Variants in MYO18B observed in about 807,000 individuals in gnomAD.
MYO18B encodes the protein unconventional myosin-XVIIIb.
In MYO18B, 204 loss-of-function variants were observed where a neutral mutation model predicts 273.0. The ratio of observed to expected loss-of-function variants is 0.75; its 90% CI spans 0.67 to 0.84. The LOEUF is 0.84. MYO18B is among the 40% of genes least tolerant of loss of function. MYO18B has a pLI of 0.00. For missense variants in MYO18B, 3,212 were observed against 3,287.6 expected, an observed-to-expected ratio of 0.98 and a Z score of 0.56; for synonymous variants, 1,330 against 1,305.7, an observed-to-expected ratio of 1.02 and a Z score of -0.40.
At chr22:25,813,883 C>T (rs1031826767) in intron 12 of MYO18B, among the ~76,000 whole-genome samples, 4 of 152,130 alleles carry the variant, frequency 2.6e-5, no homozygotes, top group African/African-American at 9.7e-5. Flanking sequence ...GGCTGCAGAC[C>T]CTGCATCCTC....
At chr22:25,835,483 C>G in intron 17 of MYO18B, 40 bp downstream of exon 17, 1 of 1,610,974 alleles carries the variant, frequency 6.2e-7, no homozygotes, top group Non-Finnish European at 8.5e-7. Context: ...CTGAGTCCAG[C>G]CTGGGTATTA....
intron 40 of MYO18B, among the ~76,000 whole-genome samples, chr22:25,998,688 T>C (rs1933606499): frequency 6.6e-6 from 1 of 152,232 alleles, no homozygotes; most frequent in Admixed American, 6.5e-5. Flanking sequence ...TCTTGCTACC[T>C]AGTAGGACAG....
chr22:25,978,471 G>A (rs1345216588), intron 39 of MYO18B, among the ~76,000 whole-genome samples: 2 of 152,176 alleles, frequency 1.3e-5, no homozygotes, highest in Non-Finnish European at 2.9e-5. Context: ...GAAAGGGCGA[G>A]TTGGGACAGA....
intron 33 of MYO18B, among the ~76,000 whole-genome samples, chr22:25,915,263 G>A (rs2092242741): frequency 6.6e-6 from 1 of 152,170 alleles, no homozygotes; most frequent in South Asian, 2.1e-4. Flanking sequence ...TACTTTCTGA[G>A]AGATGCATCA....
At position 25,769,378 on chromosome 22, in the gene MYO18B, C is replaced by T. The variant is rs934550481; in HGVS notation, c.1462C>T (p.Pro488Ser). The change falls in exon 4 of 44, where the codon CCA becomes TCA. Residue 488 changes from proline (P) to serine (S), a missense_variant. Transcript: ENST00000335473. ...GATACGGAAGGAGAACCAAGACGGG[C>T]CAGCCCCGCAGGAGGAGGGCAAAGG... ...PRIRKENQDG[P>S]APQEEGKGGQ... 2.5e-6 allele frequency: 4 copies of T among 1,572,770 alleles called. No individual in the cohort carries two copies. Among genetic ancestry groups the T allele is most frequent in the Non-Finnish European group, 3.4e-6 (4 of 1,159,754 alleles).
chr22:26,058,917 G>A, the MYO18B span, among the ~76,000 whole-genome samples: 1 of 152,168 alleles, frequency 6.6e-6, no homozygotes, highest in African/African-American at 2.4e-5. Context: ...ACTAAGACAT[G>A]GACAAAGCTG....
intron 27 of MYO18B, among the ~76,000 whole-genome samples, chr22:25,893,314 T>C (rs55647020): frequency 0.019 from 2,919 of 152,252 alleles, 108 homozygotes; most frequent in African/African-American, 0.067. Flanking sequence ...TACAGAGGGA[T>C]TTTAATTGGG....
intron 1 of MYO18B, among the ~76,000 whole-genome samples, chr22:25,751,455 C>A (rs2146539016): frequency 6.6e-6 from 1 of 152,348 alleles, no homozygotes; most frequent in African/African-American, 2.4e-5. Flanking sequence ...CACAGCTTGC[C>A]ACCACGACAT....
At chr22:25,829,576 A>C (rs1357352566) in intron 15 of MYO18B, among the ~76,000 whole-genome samples, 3 of 151,478 alleles carry the variant, frequency 2.0e-5, no homozygotes, top group Admixed American at 2.0e-4. Context: ...ACGGTGGCTC[A>C]TGCCTTAATC....
In MYO18B at chr22:25,787,496, C is replaced by G. The variant is rs183096749; in HGVS notation, c.2376+2005C>G. On this transcript the variant is annotated intron_variant, in intron 11 of 43. Transcript: ENST00000335473. The stretch of plus-strand genomic sequence containing the variant: ...ACTGGGTGAGGTGATGTGTCTGCCC[C>G]GTCTTTGAACTCTGGGGGCTAATCT... 1.9e-3 allele frequency among the ~76,000 whole-genome samples: 295 copies of G among 152,192 alleles called. 1 individual carries two copies. Among genetic ancestry groups the G allele is most frequent in the African/African-American group, 6.2e-3 (256 of 41,526 alleles).
chr22:26,010,057 G>A (rs1395170514), intron 42 of MYO18B, among the ~76,000 whole-genome samples: 1 of 152,102 alleles, frequency 6.6e-6, no homozygotes. Flanking sequence ...TATTCATAAA[G>A]CACCACGTTG....
intron 25 of MYO18B, among the ~76,000 whole-genome samples, chr22:25,879,047 C>T (rs1158341): frequency 0.77 from 117,156 of 152,218 alleles, 45,347 homozygotes; most frequent in East Asian, 0.94. Flanking sequence ...AACGAGCTCC[C>T]AAGAGTGAAA....
Position 25,797,983 on chromosome 22 carries a change from T to C in MYO18B, c.2407T>C (p.Phe803Leu). The C allele has an allele frequency of 6.2e-7, 1 of 1,613,972 alleles. No individual in the cohort carries two copies. Among genetic ancestry groups the C allele is most frequent in the South Asian group, 1.1e-5 (1 of 91,080 alleles). The change falls in exon 12 of 44, where the codon TTT becomes CTT. Residue 803 changes from phenylalanine to leucine, a missense_variant. Coordinates refer to ENST00000335473, the MANE Select transcript of MYO18B (RefSeq NM_032608.7). Reference sequence around the variant, plus strand: ...AGATAAACAGAAGGCGGCAGCTGCCTTTGCCCAGCTCCAGGGTGCCATGGA... The same window carrying C: ...AGATAAACAGAAGGCGGCAGCTGCCCTTGCCCAGCTCCAGGGTGCCATGGA... ...PEDKQKAAAA[F>L]AQLQGAMEML... is the part of the protein sequence containing the mutation.
chr22:25,904,509 G>A (rs894822930), intron 31 of MYO18B, among the ~76,000 whole-genome samples: 3 of 152,180 alleles, frequency 2.0e-5, no homozygotes, highest in African/African-American at 7.2e-5. Context: ...ACCCCACACT[G>A]CCTCGAATGT....
rs989106476 is a variant in MYO18B at position 26,027,652 on chromosome 22, A to G, written c.7678A>G (p.Ile2560Val). 6.2e-7 allele frequency: 1 copy of G among 1,613,164 alleles called. No individual in the cohort carries two copies. Among genetic ancestry groups the G allele is most frequent in the Non-Finnish European group, 8.5e-7 (1 of 1,179,434 alleles). ...GAGGAAAGACGACGATGTTGCGAGCATAATGAAGAAATACCTCCAGAAGTA... is the reference window on the plus strand; with the variant it reads ...GAGGAAAGACGACGATGTTGCGAGCGTAATGAAGAAATACCTCCAGAAGTA... ...TGRKDDDVAS[I>V]MKKYLQK The change falls in exon 43 of 44, where the codon ATA becomes GTA. Residue 2560 changes from isoleucine to valine, a missense_variant. Physicochemically the swap from Ile to Val is conservative, Grantham distance 29 (BLOSUM62 3). Coordinates refer to ENST00000335473, the MANE Select transcript of MYO18B (RefSeq NM_032608.7). This position sits in a 1 kb window ranked among gnomAD's most constrained non-coding sequence, Gnocchi z 4.1.
chr22:25,863,927 G>A (rs906960339), intron 21 of MYO18B, among the ~76,000 whole-genome samples: 5 of 152,166 alleles, frequency 3.3e-5, no homozygotes, highest in African/African-American at 1.2e-4. Flanking sequence ...TGTGTCTCCT[G>A]TTAAATTTCT....
chr22:25,838,659 G>A (rs1380711926), intron 17 of MYO18B, among the ~76,000 whole-genome samples: 1 of 152,206 alleles, frequency 6.6e-6, no homozygotes, highest in Non-Finnish European at 1.5e-5. Context: ...GTACAGGTTT[G>A]TAGTTTGGAG....
intron 34 of MYO18B, among the ~76,000 whole-genome samples, chr22:25,935,448 G>T (rs1276897535): frequency 6.6e-6 from 1 of 152,162 alleles, no homozygotes; most frequent in African/African-American, 2.4e-5. Flanking sequence ...CAAATCAATT[G>T]TCTGCTCTGG....
At chr22:26,022,282 AAAG>A (rs1480847369) in intron 42 of MYO18B, among the ~76,000 whole-genome samples, 1 of 151,020 alleles carries the variant, frequency 6.6e-6, no homozygotes, top group African/African-American at 2.4e-5. Context: ...AAAAAAAAAA[AAAG>A]ACTCTTACTG....
Sources: allele counts gnomAD v4.1 joint callset (sites outside exome capture counted in the v4.1 genomes callset), GRCh38; gene constraint gnomAD v4.1.1; non-coding constraint Gnocchi (gnomAD v3.1); transcripts MANE v1.5; gene names NCBI Gene and HGNC (gene_info 2026-07-23, HGNC 2026-07-21).